SLC5A4: variants seen among roughly 807,000 people sequenced by gnomAD.
SLC5A4 encodes the protein solute carrier family 5 member 4, also known as probable glucose sensor protein SLC5A4.
Under a neutral mutation model 70.3 loss-of-function variants are expected in SLC5A4, and 55 were observed. That is an observed-to-expected ratio of 0.78 (90% confidence interval 0.63 to 0.98). The LOEUF (loss-of-function observed/expected upper bound fraction) is 0.98, where lower values mean the gene tolerates loss of function less well. Ranked by LOEUF, SLC5A4 falls within the 50% of genes least tolerant of loss-of-function variation. SLC5A4 has a pLI of 0.00. For synonymous variants in SLC5A4, 268 were observed against 305.7 expected, an observed-to-expected ratio of 0.88 and a Z score of 1.29; for missense variants, 735 against 839.2, an observed-to-expected ratio of 0.88 and a Z score of 1.53.
the SLC5A4 span, among the ~76,000 whole-genome samples, chr22:32,280,933 C>T: frequency 4.6e-5 from 7 of 152,282 alleles, no homozygotes; most frequent in East Asian, 3.9e-4. Flanking sequence ...ACCATCTTGC[C>T]CTGAGACCCT....
chr22:32,353,107 C>T, the SLC5A4 span, among the ~76,000 whole-genome samples: 2 of 152,314 alleles, frequency 1.3e-5, no homozygotes, highest in South Asian at 2.1e-4. Flanking sequence ...AAGGCACTCA[C>T]GCCCACCCTC....
the SLC5A4 span, among the ~76,000 whole-genome samples, chr22:32,298,295 C>G: frequency 7.5e-6 from 1 of 133,352 alleles, no homozygotes; most frequent in Non-Finnish European, 1.6e-5. Flanking sequence ...GTCTAAGTCT[C>G]TTTGTAGGTC....
the SLC5A4 span, among the ~76,000 whole-genome samples, chr22:32,342,142 A>C: frequency 6.6e-6 from 1 of 152,164 alleles, no homozygotes; most frequent in Non-Finnish European, 1.5e-5. Flanking sequence ...AAAACTGAAA[A>C]TGGCTAATGC....
intron 13 of SLC5A4, among the ~76,000 whole-genome samples, chr22:32,223,952 G>A (rs924170972): frequency 2.0e-5 from 3 of 151,244 alleles, no homozygotes; most frequent in Admixed American, 6.6e-5. Context: ...ACAGTGTCTC[G>A]CTCTGTCACC....
chr22:32,320,095 C>T, the SLC5A4 span, among the ~76,000 whole-genome samples: 6 of 152,312 alleles, frequency 3.9e-5, no homozygotes, highest in Middle Eastern at 3.4e-3. Flanking sequence ...AACTGTCAAA[C>T]AGCAAATCCA....
the SLC5A4 span, among the ~76,000 whole-genome samples, chr22:32,292,933 A>G: frequency 6.6e-6 from 1 of 152,128 alleles, no homozygotes; most frequent in African/African-American, 2.4e-5. Flanking sequence ...GTTTTGCTAT[A>G]CATATTTTGA....
chr22:32,330,684 T>G, the SLC5A4 span, among the ~76,000 whole-genome samples: 1 of 76,346 alleles, frequency 1.3e-5, no homozygotes, highest in Non-Finnish European at 2.4e-5. Flanking sequence ...GGGGCTCTGG[T>G]GTGTGTGTTG....
chr22:32,254,088 A>G, intron 2 of SLC5A4, 54 bp downstream of exon 2: 2 of 1,379,228 alleles, frequency 1.5e-6, no homozygotes, highest in Non-Finnish European at 2.1e-6. Context: ...GCCTACATTC[A>G]GTTTTAAGCA....
At chr22:32,306,460 G>C in the SLC5A4 span, among the ~76,000 whole-genome samples, 11 of 100,112 alleles carry the variant, frequency 1.1e-4, no homozygotes, top group East Asian at 2.3e-3. Flanking sequence ...AGCAAGACTC[G>C]GTCTCAAAAA....
chr22:32,223,908 C>G (rs1173331038), intron 13 of SLC5A4, among the ~76,000 whole-genome samples: 1 of 152,016 alleles, frequency 6.6e-6, no homozygotes, highest in African/African-American at 2.4e-5. Flanking sequence ...TACATGCATA[C>G]AATAAAAGGC....
At chr22:32,221,658 T>C (rs934808705) in intron 13 of SLC5A4, among the ~76,000 whole-genome samples, 1 of 152,240 alleles carries the variant, frequency 6.6e-6, no homozygotes, top group African/African-American at 2.4e-5. Flanking sequence ...ATAAATAGAA[T>C]TGATGCTGTA....
the SLC5A4 span, among the ~76,000 whole-genome samples, chr22:32,305,794 G>A: frequency 6.6e-6 from 1 of 151,330 alleles, no homozygotes; most frequent in Non-Finnish European, 1.5e-5. Context: ...GTCACACCAG[G>A]GGCCACTGAA....
chr22:32,272,286 C>T, the SLC5A4 span: 1 of 808,072 alleles, frequency 1.2e-6, no homozygotes, highest in Non-Finnish European at 2.2e-6. Flanking sequence ...GTTCAGAGTC[C>T]TTTACGAGAA....
the SLC5A4 span, among the ~76,000 whole-genome samples, chr22:32,340,053 A>G: frequency 6.6e-6 from 1 of 152,242 alleles, no homozygotes; most frequent in Non-Finnish European, 1.5e-5. Context: ...TGCTCTTCCC[A>G]GTAGAAGGAT....
chr22:32,316,880 G>A, the SLC5A4 span, among the ~76,000 whole-genome samples: 1 of 151,524 alleles, frequency 6.6e-6, no homozygotes, highest in Non-Finnish European at 1.5e-5. Flanking sequence ...TCCATATGCA[G>A]TTGGCAAAAA....
the SLC5A4 span, among the ~76,000 whole-genome samples, chr22:32,303,245 T>A: frequency 6.6e-6 from 1 of 152,200 alleles, no homozygotes. Flanking sequence ...TGAGACATCA[T>A]CAATATGTGT....
At chr22:32,310,862 G>C in the SLC5A4 span, among the ~76,000 whole-genome samples, 1 of 152,320 alleles carries the variant, frequency 6.6e-6, no homozygotes. Context: ...TCCAAACGCA[G>C]GGCATTGTTT....
the SLC5A4 span, among the ~76,000 whole-genome samples, chr22:32,294,676 T>TTTTTA: frequency 6.6e-6 from 1 of 150,926 alleles, no homozygotes; most frequent in East Asian, 1.9e-4. Flanking sequence ...TTTTTCTTTT[T>TTTTTA]ATTATACTTT....
At chr22:32,278,053 G>T in the SLC5A4 span, among the ~76,000 whole-genome samples, 1 of 152,060 alleles carries the variant, frequency 6.6e-6, no homozygotes, top group Non-Finnish European at 1.5e-5. Context: ...GGCCCCACTG[G>T]ATCATCTCTT....
Sources: allele counts gnomAD v4.1 joint callset (sites outside exome capture counted in the v4.1 genomes callset), GRCh38; gene constraint gnomAD v4.1.1; transcripts MANE v1.5; gene names NCBI Gene and HGNC (gene_info 2026-07-23, HGNC 2026-07-21).